The following MGAT5 variants were observed in gnomAD, a reference collection of about 807,000 sequenced individuals.
The protein encoded by MGAT5 is alpha-1,6-mannosylglycoprotein 6-beta-N-acetylglucosaminyltransferase, also known as alpha-1,6-mannosylglycoprotein 6-beta-N-acetylglucosaminyltransferase A.
A neutral mutation model predicts 94.3 loss-of-function variants in MGAT5; 30 were observed. The ratio of observed to expected loss-of-function variants is 0.32; its 90% confidence interval spans 0.24 to 0.43. The LOEUF (loss-of-function observed/expected upper bound fraction) is 0.43. Ranked by LOEUF, MGAT5 falls within the 20% of genes least tolerant of loss-of-function variation. The pLI, the probability that MGAT5 is intolerant of heterozygous loss-of-function variation, is 1.00. For missense variants in MGAT5, 691 were observed against 905.5 expected (o/e 0.76, Z 3.04); for synonymous variants, 310 against 322.9 (o/e 0.96, Z 0.43).
chr2:134,229,733 T>C lies in MGAT5; in HGVS notation c.-142-24529T>C, dbSNP rs148926136. ...TATCGAAAACAGAACATTCATAACA[T>C]ACCCACAGAATGGGAGAAAATATTT... On this transcript the variant is annotated intron_variant, in intron 1 of 16. Transcript: ENST00000409645. Among the ~76,000 whole-genome samples, 133 of 152,214 alleles carry C rather than the reference T, an allele frequency of 8.7e-4. No individual in the cohort carries two copies. In the East Asian group the frequency reaches 0.024, roughly 28 times the overall value.
chr2:134,381,382 TTAGA>T (rs61246431), intron 10 of MGAT5, among the ~76,000 whole-genome samples: 2,675 of 108,070 alleles, frequency 0.025, 100 homozygotes, highest in African/African-American at 0.052. Context: ...ATAAGATAGA[TTAGA>T]TAGATAGATA....
intron 1 of MGAT5, among the ~76,000 whole-genome samples, chr2:134,215,113 C>A (rs1393661737): frequency 1.3e-5 from 2 of 152,196 alleles, no homozygotes; most frequent in African/African-American, 4.8e-5. Context: ...ATTCTCATTG[C>A]TGTATAGTAT....
intron 1 of MGAT5, among the ~76,000 whole-genome samples, chr2:134,216,374 G>A (rs1263451383): frequency 1.3e-5 from 2 of 152,212 alleles, no homozygotes; most frequent in Non-Finnish European, 2.9e-5. Context: ...AAATTCCCAT[G>A]TTGTGATCCG....
intron 12 of MGAT5, among the ~76,000 whole-genome samples, chr2:134,421,104 T>C (rs1684263836): frequency 6.6e-6 from 1 of 152,202 alleles, no homozygotes; most frequent in Non-Finnish European, 1.5e-5. Context: ...GCTCCAAATA[T>C]AGACTAATGT....
intron 4 of MGAT5, among the ~76,000 whole-genome samples, chr2:134,333,197 A>G (rs1688091717): frequency 6.6e-6 from 1 of 152,118 alleles, no homozygotes; most frequent in Non-Finnish European, 1.5e-5. Context: ...ATGTCCAACA[A>G]TGATAGACTG....
chr2:134,368,797 C>T (rs1680595510), intron 10 of MGAT5, among the ~76,000 whole-genome samples: 1 of 152,188 alleles, frequency 6.6e-6, no homozygotes, highest in Non-Finnish European at 1.5e-5. Context: ...TGTACCTACT[C>T]CTCTCTGGCT....
At chr2:134,418,186 T>C (rs1009143191) in intron 12 of MGAT5, among the ~76,000 whole-genome samples, 26 of 152,220 alleles carry the variant, frequency 1.7e-4, no homozygotes, top group African/African-American at 6.3e-4. Context: ...CGTGAAGTTA[T>C]CAAGAAAAGC....
chr2:134,265,241 A>T (rs1017648261), intron 1 of MGAT5, among the ~76,000 whole-genome samples: 2 of 152,188 alleles, frequency 1.3e-5, no homozygotes, highest in African/African-American at 4.8e-5. Flanking sequence ...AAGGTTTACC[A>T]CCCAGTCTCA....
intron 1 of MGAT5, among the ~76,000 whole-genome samples, chr2:134,157,478 A>G (rs1464749633): frequency 2.0e-5 from 3 of 152,094 alleles, no homozygotes; most frequent in African/African-American, 2.4e-5. Context: ...TACTATTGAT[A>G]TTTTGAAGGG....
intron 14 of MGAT5, among the ~76,000 whole-genome samples, chr2:134,432,183 G>A (rs989352972): frequency 1.3e-5 from 2 of 152,154 alleles, no homozygotes; most frequent in Non-Finnish European, 2.9e-5. Flanking sequence ...TTTTTTGAAG[G>A]AATGGCAATT....
At chr2:134,312,840 A>T (rs1287979274) in intron 2 of MGAT5, among the ~76,000 whole-genome samples, 1 of 152,144 alleles carries the variant, frequency 6.6e-6, no homozygotes, top group African/African-American at 2.4e-5. Flanking sequence ...CAGATGAGGT[A>T]ACCATCTTCC....
intron 1 of MGAT5, among the ~76,000 whole-genome samples, chr2:134,150,538 C>T (rs1228994633): frequency 6.6e-6 from 1 of 152,194 alleles, no homozygotes; most frequent in African/African-American, 2.4e-5. Flanking sequence ...TTCCTCTCAT[C>T]CCCTGTGGTA....
intron 10 of MGAT5, among the ~76,000 whole-genome samples, chr2:134,369,495 G>T (rs1291949386): frequency 6.6e-6 from 1 of 152,048 alleles, no homozygotes; most frequent in African/African-American, 2.4e-5. Context: ...ATAAATGAAG[G>T]TATTGGTTTA....
chr2:134,274,050 A>G (rs1248286431), intron 2 of MGAT5, among the ~76,000 whole-genome samples: 1 of 152,212 alleles, frequency 6.6e-6, no homozygotes, highest in Non-Finnish European at 1.5e-5. Context: ...TTAAGTGAGG[A>G]AGTGGAGCGA....
intron 1 of MGAT5, among the ~76,000 whole-genome samples, chr2:134,145,593 A>G (rs1686882546): frequency 6.6e-6 from 1 of 152,218 alleles, no homozygotes; most frequent in Admixed American, 6.5e-5. Context: ...TGACATTTGA[A>G]CTGAAAATAA....
chr2:134,303,157 T>C (rs989345338), intron 2 of MGAT5, among the ~76,000 whole-genome samples: 1 of 152,162 alleles, frequency 6.6e-6, no homozygotes, highest in Non-Finnish European at 1.5e-5. Flanking sequence ...GTAATTTCCT[T>C]TTTTGTTTTT....
intron 1 of MGAT5, among the ~76,000 whole-genome samples, chr2:134,217,432 C>T (rs973944446): frequency 2.0e-5 from 3 of 152,070 alleles, no homozygotes; most frequent in Non-Finnish European, 2.9e-5. Flanking sequence ...CTGAGGCTCA[C>T]GGGGCTTAAT....
chr2:134,433,411 T>G (rs1684995812), intron 14 of MGAT5, among the ~76,000 whole-genome samples: 1 of 152,170 alleles, frequency 6.6e-6, no homozygotes, highest in South Asian at 2.1e-4. Flanking sequence ...CTCCTAGAAG[T>G]GTGTGAATAA....
At chr2:134,277,610 A>G (rs1684458846) in intron 2 of MGAT5, among the ~76,000 whole-genome samples, 1 of 152,234 alleles carries the variant, frequency 6.6e-6, no homozygotes, top group African/African-American at 2.4e-5. Flanking sequence ...GTAGGGACAC[A>G]GAGCCAAACC....
Sources: allele counts gnomAD v4.1 joint callset (sites outside exome capture counted in the v4.1 genomes callset), GRCh38; gene constraint gnomAD v4.1.1; transcripts MANE v1.5; gene names NCBI Gene and HGNC (gene_info 2026-07-23, HGNC 2026-07-21).